PCNX1: variants seen among roughly 807,000 people sequenced by gnomAD.
PCNX1 encodes the protein pecanex-like protein 1.
In PCNX1, 78 loss-of-function variants were observed where a neutral mutation model predicts 242.2. The ratio of observed to expected loss-of-function variants is 0.32; its 90% confidence interval spans 0.27 to 0.39. PCNX1 has a LOEUF of 0.39. PCNX1 is among the 10% of genes least tolerant of loss of function. The probability of loss-of-function intolerance (pLI) is 1.00; values close to 1 mark genes in which losing one functional copy is unlikely to be tolerated. For synonymous variants in PCNX1, 1,024 were observed against 1,032.9 expected, an observed-to-expected ratio of 0.99 and a Z score of 0.17; for missense variants, 2,581 against 2,856.5, an observed-to-expected ratio of 0.90 and a Z score of 2.20.
chr14:70,948,140 G>A (rs1471906935), intron 2 of PCNX1, among the ~76,000 whole-genome samples: 4 of 152,074 alleles, frequency 2.6e-5, no homozygotes, highest in Admixed American at 2.6e-4. Context: ...ATTTCGCCCT[G>A]GCATTGTGAC....
intron 26 of PCNX1, among the ~76,000 whole-genome samples, chr14:71,067,202 T>C (rs2061469004): frequency 6.6e-6 from 1 of 152,172 alleles, no homozygotes; most frequent in African/African-American, 2.4e-5. Flanking sequence ...AACTCTTCTT[T>C]ATACCTCTGG....
chr14:70,918,771 A>G (rs572488694), intron 1 of PCNX1, among the ~76,000 whole-genome samples: 15 of 152,356 alleles, frequency 9.8e-5, no homozygotes, highest in African/African-American at 3.6e-4. Context: ...AATCTCTGTC[A>G]ACAGTATTGA....
intron 1 of PCNX1, among the ~76,000 whole-genome samples, chr14:70,927,317 T>G (rs1327610513): frequency 1.3e-5 from 2 of 152,166 alleles, no homozygotes; most frequent in Non-Finnish European, 1.5e-5. Flanking sequence ...CTCTTCTACG[T>G]TTTTAAATTT....
Position 71,089,203 on chromosome 14 carries a change from C to T in PCNX1, c.5450C>T (p.Ser1817Leu). The change falls in exon 30 of 36, where the codon TCA (serine) becomes TTA (leucine). Residue 1817 changes from serine to leucine, a missense_variant. Around this residue, in one of 9 missense-constraint regions of PCNX1, gnomAD observed 298 missense variants for 480.1 expected, o/e 0.62. Coordinates refer to ENST00000304743, the MANE Select transcript of PCNX1 (RefSeq NM_014982.3). ...TCCAATCTTAACAGTAATTTAGAGT[C>T]ATTCCTCTATGGATTGCATGCCCTA... is the stretch of plus-strand genomic sequence containing the variant. ...ASHHMSSNLE[S>L]FLYGLHALFK... is the part of the protein sequence containing the mutation. 1 of 1,607,272 alleles carries T rather than the reference C, an allele frequency of 6.2e-7. No individual in the cohort carries two copies. Among genetic ancestry groups the T allele is most frequent in the Non-Finnish European group, 8.5e-7 (1 of 1,175,352 alleles).
rs1415730470 is a variant in PCNX1 at position 71,114,188 on chromosome 14, C to T, written c.*4253C>T. 4 of 152,154 alleles carry T rather than the reference C, an allele frequency of 2.6e-5. No individual in the cohort carries two copies. The highest frequency in any genetic ancestry group is 5.9e-5 in the Non-Finnish European group (4 of 68,028). 9.4% of individuals were successfully genotyped at this position (152,154 alleles called of 1,614,324 possible). A position where few individuals can be genotyped will look rare whatever the true frequency, so the allele number is the denominator to read the frequency against. On this transcript the variant is annotated 3_prime_UTR_variant, in exon 36 of 36. Transcript: ENST00000304743. ...AATTAGATACTACCATGCATTGGGA[C>T]AGCATAATTCTAATATTACATTGAA...
chr14:70,994,401 A>ATGTGTG lies in PCNX1; in HGVS notation c.2445-1339_2445-1338insGTGTGT, dbSNP rs1346183930. Among the ~76,000 whole-genome samples, 65 of 33,808 alleles carry ATGTGTG rather than the reference A, an allele frequency of 1.9e-3. 1 individual carries two copies. Among genetic ancestry groups the ATGTGTG allele is most frequent in the African/African-American group, 4.9e-3 (52 of 10,682 alleles). The allele number at this position is 33,808 out of a possible 152,430, so 22.2% of individuals were successfully genotyped here. On this transcript the variant is annotated intron_variant, in intron 7 of 35. Transcript: ENST00000304743. ...TATCATAACCACAGGCTTAAGATAT[A>ATGTGTG]TATATATATATATATATATATATAT...
At chr14:70,950,270 A>G (rs2057724506) in intron 2 of PCNX1, among the ~76,000 whole-genome samples, 1 of 152,156 alleles carries the variant, frequency 6.6e-6, no homozygotes, top group Non-Finnish European at 1.5e-5. Context: ...CTTATAAACT[A>G]TTATATTCCC....
intron 16 of PCNX1, chr14:71,031,966 AG>A (rs2060398838): frequency 1.5e-6 from 2 of 1,326,458 alleles, no homozygotes; most frequent in Admixed American, 3.4e-5. Context: ...GGCTCTTTCT[AG>A]GCACTGTGGT....
intron 7 of PCNX1, among the ~76,000 whole-genome samples, chr14:70,989,527 G>C (rs938441677): frequency 1.4e-5 from 2 of 143,990 alleles, no homozygotes; most frequent in African/African-American, 5.2e-5. Flanking sequence ...TACAAAAACA[G>C]ATATAAATTT....
At chr14:70,925,285 G>A (rs551531557) in intron 1 of PCNX1, among the ~76,000 whole-genome samples, 7 of 152,208 alleles carry the variant, frequency 4.6e-5, no homozygotes, top group South Asian at 4.1e-4. Flanking sequence ...CACGAAGCCC[G>A]GCTTGCGTTT....
At chr14:71,062,172 C>T (rs1175349402) in intron 26 of PCNX1, among the ~76,000 whole-genome samples, 2 of 152,070 alleles carry the variant, frequency 1.3e-5, no homozygotes, top group African/African-American at 4.8e-5. Context: ...GTGATACCTC[C>T]TCAAGAAGAG....
At chr14:71,060,485 G>C (rs2061300008) in intron 26 of PCNX1, among the ~76,000 whole-genome samples, 1 of 152,140 alleles carries the variant, frequency 6.6e-6, no homozygotes, top group Non-Finnish European at 1.5e-5. Flanking sequence ...CTCTGTGTTT[G>C]ATTTGATCTT....
intron 28 of PCNX1, among the ~76,000 whole-genome samples, chr14:71,076,911 G>T (rs776050400): frequency 3.5e-4 from 54 of 152,340 alleles, no homozygotes; most frequent in Middle Eastern, 3.4e-3. Flanking sequence ...AAGCCGAATT[G>T]TAAATTTTAT....
At chr14:71,097,608 T>C (rs1219419557) in intron 30 of PCNX1, among the ~76,000 whole-genome samples, 1 of 152,200 alleles carries the variant, frequency 6.6e-6, no homozygotes, top group Non-Finnish European at 1.5e-5. Context: ...GAGCATCTGT[T>C]CTTATCTTTT....
chr14:70,917,622 CT>C (rs2056202380), intron 1 of PCNX1, among the ~76,000 whole-genome samples: 1 of 152,068 alleles, frequency 6.6e-6, no homozygotes, highest in Non-Finnish European at 1.5e-5. Context: ...GTCTTCTGGG[CT>C]TTATTGTTCC....
At chr14:70,917,568 T>A (rs917921451) in intron 1 of PCNX1, among the ~76,000 whole-genome samples, 8 of 152,158 alleles carry the variant, frequency 5.3e-5, no homozygotes, top group Non-Finnish European at 1.0e-4. Context: ...GTCTCAAAGA[T>A]GGGGTTAAAA....
intron 2 of PCNX1, among the ~76,000 whole-genome samples, chr14:70,952,944 C>T (rs1159876979): frequency 2.0e-5 from 3 of 151,996 alleles, no homozygotes; most frequent in Admixed American, 2.0e-4. Context: ...AAAAATTTTC[C>T]ATTCACTTAG....
At chr14:71,024,296 A>C (rs1476034303) in intron 13 of PCNX1, among the ~76,000 whole-genome samples, 1 of 152,204 alleles carries the variant, frequency 6.6e-6, no homozygotes, top group Non-Finnish European at 1.5e-5. Context: ...GCTGTCTTCT[A>C]ATATATAGAT....
intron 1 of PCNX1, among the ~76,000 whole-genome samples, chr14:70,934,314 G>A (rs1405047964): frequency 3.9e-5 from 6 of 152,180 alleles, no homozygotes; most frequent in East Asian, 1.9e-4. Flanking sequence ...TAAATGGCTC[G>A]GTTTCCCAGC....
Sources: gnomAD v4.1 joint callset for allele counts (sites outside exome capture counted in the v4.1 genomes callset) on GRCh38, gnomAD v4.1.1 for gene constraint, gnomAD v4.1.1 regional missense constraint, MANE v1.5 for transcripts, NCBI Gene and HGNC (gene_info 2026-07-23, HGNC 2026-07-21) for gene names.